The following ECE1 variants were observed in gnomAD, a reference collection of about 807,000 sequenced individuals.
The protein encoded by ECE1 is endothelin-converting enzyme 1.
In ECE1, 35 loss-of-function variants were observed where a neutral mutation model predicts 98.6. That is an observed-to-expected ratio of 0.35 (90% CI 0.27 to 0.47). The LOEUF (loss-of-function observed/expected upper bound fraction) is 0.47. Ranked by LOEUF, ECE1 falls within the 20% of genes least tolerant of loss-of-function variation. The pLI, the probability that ECE1 is intolerant of heterozygous loss-of-function variation, is 1.00. For missense variants in ECE1, 814 were observed against 1,025.3 expected (o/e 0.79, Z 2.81); for synonymous variants, 394 against 407.1 (o/e 0.97, Z 0.39).
chr1:21,309,759 C>A (rs1638675110), intron 1 of ECE1, among the ~76,000 whole-genome samples: 1 of 151,556 alleles, frequency 6.6e-6, no homozygotes, highest in Non-Finnish European at 1.5e-5. Flanking sequence ...CCAAACCCAG[C>A]TGGATTTTCT....
chr1:21,275,466 G>A (rs1004091386), intron 3 of ECE1, among the ~76,000 whole-genome samples: 8 of 152,132 alleles, frequency 5.3e-5, no homozygotes, highest in Non-Finnish European at 1.0e-4. Flanking sequence ...ATGATGGGGG[G>A]CACCTGTAAT....
In ECE1 at chr1:21,290,043, C is replaced by T. The variant is rs779953376; in HGVS notation, c.138+27G>A. Reference sequence around the variant, plus strand: ...CATGCCCGGGCCCGGGGCGCCTGGACCTCGGGAGGGAGCGGAGGGCGCCTA... The same window carrying T: ...CATGCCCGGGCCCGGGGCGCCTGGATCTCGGGAGGGAGCGGAGGGCGCCTA... On this transcript the variant is annotated intron_variant, in intron 2 of 18. Transcript: ENST00000374893. The surrounding 1 kb of genome is among the most constrained non-coding windows in gnomAD (Gnocchi z 7.3). 1.4e-5 allele frequency: 20 copies of T among 1,407,866 alleles called. No homozygotes were observed. The African/African-American group carries it at 2.4e-4, about 17-fold the overall frequency. 87.2% of individuals were successfully genotyped at this position (1,407,866 alleles called of 1,614,324 possible). A position where few individuals can be genotyped will look rare whatever the true frequency, so the allele number is the denominator to read the frequency against.
At chr1:21,245,916 G>A (rs549264702) in intron 9 of ECE1, among the ~76,000 whole-genome samples, 20 of 152,050 alleles carry the variant, frequency 1.3e-4, no homozygotes, top group Non-Finnish European at 2.9e-4. Flanking sequence ...CCTCCCCCAT[G>A]CTTTCTCTCT....
chr1:21,257,782 G>A (rs2098221719), intron 6 of ECE1, among the ~76,000 whole-genome samples, 192 bp from the exon 7 acceptor site: 2 of 140,846 alleles, frequency 1.4e-5, no homozygotes, highest in Admixed American at 7.2e-5. Context: ...GCCTGTCCAC[G>A]TGGCCCCCCC....
upstream of ECE1, among the ~76,000 whole-genome samples, chr1:21,294,670 C>T (rs1314439211): frequency 1.3e-5 from 2 of 152,206 alleles, no homozygotes; most frequent in African/African-American, 2.4e-5. The surrounding 1 kb of genome is among the most constrained non-coding windows in gnomAD (Gnocchi z 4.2). Context: ...AGCCTCCTGG[C>T]CTGGTAGCAC....
intron 3 of ECE1, among the ~76,000 whole-genome samples, chr1:21,278,662 C>T (rs910272834): frequency 4.6e-5 from 7 of 152,118 alleles, no homozygotes. Flanking sequence ...GCATCTGAAG[C>T]GAGGGGTGTG....
intron 1 of ECE1, among the ~76,000 whole-genome samples, chr1:21,344,316 G>A (rs114340392): frequency 0.02 from 3,019 of 152,306 alleles, 42 homozygotes; most frequent in South Asian, 0.032. Context: ...CAGAGAAGTG[G>A]AGGGGCTGGA....
intron 4 of ECE1, among the ~76,000 whole-genome samples, chr1:21,265,347 C>G (rs753987049): frequency 6.6e-6 from 1 of 152,132 alleles, no homozygotes; most frequent in Non-Finnish European, 1.5e-5. Flanking sequence ...GCCTGGCCAA[C>G]CTGGTGAAAC....
intron 1 of ECE1, among the ~76,000 whole-genome samples, chr1:21,329,784 G>C (rs990866612): frequency 6.6e-6 from 1 of 152,146 alleles, no homozygotes; most frequent in Non-Finnish European, 1.5e-5. Flanking sequence ...CTGCCTACAA[G>C]GCTAGTCAAC....
At chr1:21,289,033 A>C (rs1330381168) in intron 2 of ECE1, among the ~76,000 whole-genome samples, 8 of 152,112 alleles carry the variant, frequency 5.3e-5, no homozygotes, top group Admixed American at 5.2e-4. Flanking sequence ...CTGCGCTGGG[A>C]GGATTATTCC....
intron 1 of ECE1, among the ~76,000 whole-genome samples, chr1:21,328,764 GAAAAAAAA>G (rs35883969): frequency 2.0e-5 from 1 of 50,226 alleles, no homozygotes; most frequent in African/African-American, 7.6e-5. Context: ...CCTCCATCTC[GAAAAAAAA>G]AAAAAAAAAA....
At chr1:21,338,434 G>C (rs1036676811) in intron 1 of ECE1, among the ~76,000 whole-genome samples, 1 of 152,228 alleles carries the variant, frequency 6.6e-6, no homozygotes, top group African/African-American at 2.4e-5. Context: ...AATGGGTACT[G>C]CTAGGCTCTC....
intron 1 of ECE1, among the ~76,000 whole-genome samples, chr1:21,313,525 G>C (rs1638771046): frequency 6.6e-6 from 1 of 152,140 alleles, no homozygotes; most frequent in South Asian, 2.1e-4. Flanking sequence ...GCTGGGCGGG[G>C]ATGAGAACTA....
Position 21,230,366 on chromosome 1 carries a change from C to G in ECE1, c.1671-2325G>C, listed in dbSNP as rs561174234. On this transcript the variant is annotated intron_variant, in intron 14 of 18. Coordinates refer to ENST00000374893, the MANE Select transcript of ECE1 (RefSeq NM_001397.3). ...ATCCCTCCCTTTCCCAACTAAATTC[C>G]TATGTGAGGCAAGAATTCTCTTTTT... 2.0e-5 allele frequency among the ~76,000 whole-genome samples: 3 copies of G among 152,162 alleles called. No homozygotes were observed. The South Asian group carries it at 6.2e-4, about 32-fold the overall frequency.
intron 1 of ECE1, among the ~76,000 whole-genome samples, chr1:21,324,980 A>G (rs1215497671): frequency 6.6e-6 from 1 of 152,244 alleles, no homozygotes; most frequent in Non-Finnish European, 1.5e-5. Context: ...GTTCTCGTTA[A>G]GCCATGTCTT....
intron 1 of ECE1, among the ~76,000 whole-genome samples, chr1:21,333,200 C>G (rs963006910): frequency 2.0e-5 from 3 of 152,060 alleles, no homozygotes; most frequent in African/African-American, 7.2e-5. Context: ...ATTGGTGGTG[C>G]GTGGTAGGGA....
chr1:21,273,026 C>T (rs534223589), intron 3 of ECE1, 115 bp from the exon 4 acceptor site: 1 of 1,154,438 alleles, frequency 8.7e-7, no homozygotes, highest in East Asian at 2.5e-5. Context: ...CCTGACCACA[C>T]AGATTTGGAA....
rs1418186486 is a variant in ECE1, at chr1:21,236,819, T to C, written c.1415A>G (p.Lys472Arg). The C allele has an allele frequency of 6.2e-6, 10 of 1,613,810 alleles. No homozygotes were observed. The highest frequency in any genetic ancestry group is 6.8e-6 in the Non-Finnish European group (8 of 1,180,036). Residue 472 changes from lysine to arginine, a missense_variant, in exon 12 of 19, where the codon AAG (lysine) becomes AGG (arginine). By Grantham distance (26) the Lys-to-Arg change is conservative. This residue lies in a region of ECE1 where 452 missense variants were observed against 567.3 expected (regional missense o/e 0.80). Coordinates refer to ENST00000374893, the MANE Select transcript of ECE1 (RefSeq NM_001397.3). ...SIATEIILEI[K>R]KAFEESLSTL... ...GCTCAGGCTTTCCTCAAATGCCTTC[T>C]TAATCTCCAGGATGATCTCGGTGGC...
chr1:21,279,122 C>A, intron 3 of ECE1, 69 bp downstream of exon 3: 1 of 1,613,118 alleles, frequency 6.2e-7, no homozygotes, highest in Non-Finnish European at 8.5e-7. Flanking sequence ...GGGAAGCCCC[C>A]CTCGCCCGAG....
Sources: gnomAD v4.1 joint callset for allele counts (sites outside exome capture counted in the v4.1 genomes callset) on GRCh38, gnomAD v4.1.1 for gene constraint, gnomAD v4.1.1 regional missense constraint, Gnocchi (gnomAD v3.1) non-coding constraint, MANE v1.5 for transcripts, NCBI Gene and HGNC (gene_info 2026-07-23, HGNC 2026-07-21) for gene names.